DST: variants seen among roughly 807,000 people sequenced by gnomAD.
The protein encoded by DST is bullous pemphigoid antigen.
DST carries 253 observed loss-of-function variants against 875.2 expected under a neutral mutation model. The ratio of observed to expected loss-of-function variants is 0.29; its 90% CI spans 0.26 to 0.32. The LOEUF is 0.32. DST is among the 10% of genes least tolerant of loss of function. The pLI is 1.00. For missense variants in DST, 8,287 were observed against 9,111.6 expected (o/e 0.91, Z 3.68); for synonymous variants, 3,124 against 3,197.1 (o/e 0.98, Z 0.77).
Position 56,601,423 on chromosome 6 carries a change from C to A in DST, c.11541+20G>T. 1 of 1,504,088 alleles carries A rather than the reference C, an allele frequency of 6.6e-7. No individual in the cohort carries two copies. The highest frequency in any genetic ancestry group is 9.1e-7 in the Non-Finnish European group (1 of 1,100,438). 93.2% of individuals were successfully genotyped at this position (1,504,088 alleles called of 1,614,324 possible). A position where few individuals can be genotyped will look rare whatever the true frequency, so the allele number is the denominator to read the frequency against. On this transcript the variant is annotated intron_variant, in intron 44 of 103. Coordinates refer to ENST00000680361, the MANE Select transcript of DST (RefSeq NM_001374736.1). ...TCACACTAAAAACAATGAATGCCAA[C>A]TCCACGAAGAAAGGCAAACCTTCTG...
chr6:56,659,919 G>A (rs2099030025), intron 10 of DST, among the ~76,000 whole-genome samples: 2 of 152,166 alleles, frequency 1.3e-5, no homozygotes, highest in African/African-American at 4.8e-5. Flanking sequence ...GGTGGAGAGA[G>A]GACTCCTGTG....
At chr6:56,948,006 T>C (rs572564266) in intron 2 of DST, among the ~76,000 whole-genome samples, 1 of 152,278 alleles carries the variant, frequency 6.6e-6, no homozygotes, top group Admixed American at 6.5e-5. Flanking sequence ...TGCAACACAT[T>C]GCCATCAATC....
chr6:56,923,879 T>G lies in DST; in HGVS notation c.217-23258A>C, dbSNP rs376664740. ...TGGCTCATGCCTGTAATCCCAACACTTTGGGAGGCTGAGGCGGGAGGATCA... is the reference window on the plus strand; with the variant it reads ...TGGCTCATGCCTGTAATCCCAACACGTTGGGAGGCTGAGGCGGGAGGATCA... On this transcript the variant is annotated intron_variant, in intron 2 of 103. Transcript: ENST00000680361. Among the ~76,000 whole-genome samples the G allele has an allele frequency of 2.6e-5, 4 of 152,192 alleles. No individual in the cohort carries two copies. The South Asian group carries it at 8.3e-4, about 32-fold the overall frequency.
Position 56,575,310 on chromosome 6 carries a change from T to C in DST, c.13028-1423A>G, listed in dbSNP as rs372671317. Among the ~76,000 whole-genome samples the C allele has an allele frequency of 2.3e-4, 35 of 152,274 alleles. No homozygotes were observed. The East Asian group carries it at 3.9e-3, about 17-fold the overall frequency. On this transcript the variant is annotated intron_variant, in intron 50 of 103. Coordinates refer to ENST00000680361, the MANE Select transcript of DST (RefSeq NM_001374736.1). The stretch of plus-strand genomic sequence containing the variant: ...GATCATATGCCAAACCTCAGCATCA[T>C]ACAATATACCTTTCTAACAAACCTG...
intron 3 of DST, 67 bp downstream of exon 3, chr6:56,900,354 C>A: frequency 8.0e-7 from 1 of 1,248,912 alleles, no homozygotes; most frequent in Non-Finnish European, 1.1e-6. Flanking sequence ...TGTTTTTAAA[C>A]TAAAAGAACA....
intron 57 of DST, 136 bp downstream of exon 57, chr6:56,561,172 C>A: frequency 9.8e-7 from 1 of 1,017,578 alleles, no homozygotes; most frequent in Non-Finnish European, 1.4e-6. Flanking sequence ...GCACATTAAA[C>A]AAAACTGTCA....
At chr6:56,851,888 A>AT in intron 3 of DST, 1 of 1,550,120 alleles carries the variant, frequency 6.5e-7, no homozygotes, top group Non-Finnish European at 8.7e-7. Flanking sequence ...TGGTCCGGCC[A>AT]CCAGCTCACA....
At chr6:56,752,752 T>C (rs1564008112) in intron 4 of DST, among the ~76,000 whole-genome samples, 1 of 152,228 alleles carries the variant, frequency 6.6e-6, no homozygotes, top group Non-Finnish European at 1.5e-5. Context: ...TCCAATACAA[T>C]AGCAGTTTGT....
intron 4 of DST, among the ~76,000 whole-genome samples, chr6:56,777,220 CCT>C (rs2099680908): frequency 6.6e-6 from 1 of 151,980 alleles, no homozygotes; most frequent in African/African-American, 2.4e-5. Flanking sequence ...AATAGGAAAC[CCT>C]GTTTCTGAAT....
In DST at chr6:56,562,183, C is replaced by T. The variant is rs1246335542; in HGVS notation, c.14023G>A (p.Gly4675Ser). The T allele has an allele frequency of 6.4e-7, 1 of 1,551,774 alleles. No individual in the cohort carries two copies. Among genetic ancestry groups the T allele is most frequent in the Admixed American group, 1.9e-5 (1 of 51,998 alleles). Residue 4675 changes from glycine to serine, a missense_variant, in exon 56 of 104, where the codon GGT becomes AGT. Physicochemically the swap from Gly to Ser is moderately conservative, Grantham distance 56. This residue lies in a region of DST where 1,513 missense variants were observed against 1,677.8 expected (regional missense o/e 0.90). Transcript: ENST00000680361. ...AVKSGGAVLNGEGTATNTEEF... is the reference protein window; with the variant it reads ...AVKSGGAVLNSEGTATNTEEF... ...TCAGTATTTGTGGCTGTTCCTTCACCATTTAATACTGCTCCACCTGCAAAA... is the reference window on the plus strand; with the variant it reads ...TCAGTATTTGTGGCTGTTCCTTCACTATTTAATACTGCTCCACCTGCAAAA...
At chr6:56,610,360 A>C in intron 39 of DST, 67 bp downstream of exon 39, 1 of 1,220,084 alleles carries the variant, frequency 8.2e-7, no homozygotes, top group Non-Finnish European at 1.1e-6. Context: ...ATTGACATAG[A>C]TTTCCAGAGC....
At position 56,486,584 on chromosome 6, in the gene DST, G is replaced by C. The variant is rs74510082; in HGVS notation, c.21047+520C>G. Among the ~76,000 whole-genome samples the C allele has an allele frequency of 7.9e-3, 1,200 of 152,074 alleles. 16 individuals are homozygous for C. Among genetic ancestry groups the C allele is most frequent in the African/African-American group, 0.027 (1,103 of 41,442 alleles). ...TTAAAATTTTTGAAATATGTCTTGGGTTTTCATGGAAATGTAATGAGAAAG... is the reference window on the plus strand; with the variant it reads ...TTAAAATTTTTGAAATATGTCTTGGCTTTTCATGGAAATGTAATGAGAAAG... On this transcript the variant is annotated intron_variant, in intron 87 of 103. Coordinates refer to ENST00000680361, the MANE Select transcript of DST (RefSeq NM_001374736.1).
chr6:56,478,903 A>G, intron 90 of DST, among the ~76,000 whole-genome samples: 1 of 152,234 alleles, frequency 6.6e-6, no homozygotes, highest in Non-Finnish European at 1.5e-5. Flanking sequence ...TGTGACAAAA[A>G]CAAATATAGA....
chr6:56,838,741 C>G (rs913157527), intron 4 of DST, among the ~76,000 whole-genome samples: 1 of 152,212 alleles, frequency 6.6e-6, no homozygotes, highest in Non-Finnish European at 1.5e-5. Context: ...CATATACACT[C>G]CTTATTGTGT....
chr6:56,528,963 A>G (rs1338378323), intron 66 of DST, 38 bp from the exon 67 acceptor site: 11 of 1,312,854 alleles, frequency 8.4e-6, no homozygotes, highest in Non-Finnish European at 1.2e-5. Flanking sequence ...GGGGGGAAAA[A>G]CATTTAAGTT....
At chr6:56,626,029 T>C (rs2098731788) in intron 34 of DST, among the ~76,000 whole-genome samples, 1 of 144,468 alleles carries the variant, frequency 6.9e-6, no homozygotes. Context: ...CAGAATAAAG[T>C]ATAAAGAAAG....
rs537001221 is a variant in DST at position 56,934,897 on chromosome 6, T to C, written c.216+18888A>G. Among the ~76,000 whole-genome samples, 5 of 152,238 alleles carry C rather than the reference T, an allele frequency of 3.3e-5. No homozygotes were observed. In the South Asian group the frequency reaches 1.0e-3, roughly 32 times the overall value. ...TCCAAAGCCAAATATTGATGTCCACTAAAAGAGTTTACTAGTGTTTCTTTG... is the reference window on the plus strand; with the variant it reads ...TCCAAAGCCAAATATTGATGTCCACCAAAAGAGTTTACTAGTGTTTCTTTG... On this transcript the variant is annotated intron_variant, in intron 2 of 103. Transcript: ENST00000680361.
intron 49 of DST, among the ~76,000 whole-genome samples, chr6:56,581,133 G>T (rs1011470298): frequency 7.3e-5 from 11 of 150,460 alleles, no homozygotes; most frequent in Admixed American, 3.3e-4. Flanking sequence ...ATTTCAAAGT[G>T]CTTTTGGGAC....
chr6:56,650,798 C>T, intron 12 of DST, 128 bp downstream of exon 12: 1 of 568,828 alleles, frequency 1.8e-6, no homozygotes, highest in Non-Finnish European at 3.1e-6. Flanking sequence ...ATTCATCAAA[C>T]AGCATATTAA....
Sources: allele counts gnomAD v4.1 joint callset (sites outside exome capture counted in the v4.1 genomes callset), GRCh38; gene constraint gnomAD v4.1.1; regional missense constraint gnomAD v4.1.1; transcripts MANE v1.5; gene names NCBI Gene and HGNC (gene_info 2026-07-23, HGNC 2026-07-21).